Variants in VRTN observed in about 807,000 individuals in gnomAD.
VRTN encodes vertnin.
VRTN carries 5 observed loss-of-function variants against 18.2 expected under a neutral mutation model. The observed-to-expected ratio is 0.27, with a 90% CI of 0.14 to 0.58. The LOEUF is 0.58. Ranked by LOEUF, VRTN falls within the 20% of genes least tolerant of loss-of-function variation. VRTN has a pLI of 0.91. For missense variants in VRTN, 741 were observed against 939.4 expected (o/e 0.79, Z 2.76); for synonymous variants, 381 against 393.7 (o/e 0.97, Z 0.38).
intron 1 of VRTN, among the ~76,000 whole-genome samples, chr14:74,350,597 G>C (rs1339186590): frequency 6.6e-6 from 1 of 152,194 alleles, no homozygotes; most frequent in Admixed American, 6.5e-5. Flanking sequence ...TGGATAATGA[G>C]AATTTTGGAT....
chr14:74,343,917 T>A (rs1008876267), upstream of VRTN, among the ~76,000 whole-genome samples: 1 of 151,748 alleles, frequency 6.6e-6, no homozygotes, highest in Non-Finnish European at 1.5e-5. Context: ...TGTCTCAGCC[T>A]CCCGAGTAGC....
intron 1 of VRTN, among the ~76,000 whole-genome samples, chr14:74,306,956 T>G (rs1324491721): frequency 6.6e-6 from 1 of 151,996 alleles, no homozygotes; most frequent in Non-Finnish European, 1.5e-5. Flanking sequence ...TTCTAAATAT[T>G]GTCCTCCAAG....
chr14:74,319,965 C>A (rs1049097441), intron 1 of VRTN, among the ~76,000 whole-genome samples: 1 of 152,154 alleles, frequency 6.6e-6, no homozygotes, highest in Non-Finnish European at 1.5e-5. Context: ...GAAGCAAGCC[C>A]TGGCTGGGCA....
chr14:74,357,023 G>T lies in VRTN; in HGVS notation c.240G>T (p.Lys80Asn), dbSNP rs770161056. ...GGAACATGCTGCCGCTGGTGTGCAA[G>T]GGGGAGGGCAGCCTGCTGTTCGAGG... is the stretch of plus-strand genomic sequence containing the variant. ...APRNMLPLVC[K>N]GEGSLLFEAA... Residue 80 changes from lysine (K) to asparagine (N), a missense_variant, in exon 2 of 2, where the codon AAG (lysine) becomes AAT (asparagine). Physicochemically the swap from Lys to Asn is moderately conservative, Grantham distance 94. This residue lies in a region of VRTN where 186 missense variants were observed against 288.3 expected (regional missense o/e 0.65). Transcript: ENST00000256362. The surrounding 1 kb of genome is among the most constrained non-coding windows in gnomAD (Gnocchi z 7.8). 6.8e-6 allele frequency: 11 copies of T among 1,609,524 alleles called. No individual in the cohort carries two copies. The Admixed American group carries it at 1.8e-4, about 27-fold the overall frequency.
chr14:74,314,637 C>G (rs1012139763), intron 1 of VRTN, among the ~76,000 whole-genome samples: 7 of 151,986 alleles, frequency 4.6e-5, no homozygotes, highest in African/African-American at 1.7e-4. Context: ...CTCCTGACCT[C>G]CATGATCCGC....
chr14:74,319,002 A>G (rs1337001189), intron 1 of VRTN, among the ~76,000 whole-genome samples: 2 of 138,836 alleles, frequency 1.4e-5, no homozygotes, highest in Non-Finnish European at 3.1e-5. Context: ...GGCATGAGCC[A>G]CTGTGCCTGG....
rs780343241 is a variant in VRTN, at chr14:74,358,299, C to A, written c.1516C>A (p.Arg506Ser). 1 of 1,611,196 alleles carries A rather than the reference C, an allele frequency of 6.2e-7. No individual in the cohort carries two copies. Among genetic ancestry groups the A allele is most frequent in the Non-Finnish European group, 8.5e-7 (1 of 1,178,238 alleles). The change falls in exon 2 of 2, where the codon CGT becomes AGT. Residue 506 changes from arginine (R) to serine (S), a missense_variant. Coordinates refer to ENST00000256362, the MANE Select transcript of VRTN (RefSeq NM_018228.3). The surrounding 1 kb of genome is among the most constrained non-coding windows in gnomAD (Gnocchi z 5.4). ...CCTGCCACTAAGGATGCCCCTGTCC[C>A]GTTGGCAGAGGCGTCTGCGCAGGGC... is the stretch of plus-strand genomic sequence containing the variant. ...ELLPLRMPLS[R>S]WQRRLRRAAR...
Position 74,320,580 on chromosome 14 carries a change from T to C in VRTN, c.-163-17143T>C, listed in dbSNP as rs1355521869. Among the ~76,000 whole-genome samples, 324 of 66,234 alleles carry C rather than the reference T, an allele frequency of 4.9e-3. 11 individuals carry two copies. The highest frequency in any genetic ancestry group is 0.021 in the African/African-American group (306 of 14,346). The allele number at this position is 66,234 out of a possible 152,430, so 43.5% of individuals were successfully genotyped here. A position where few individuals can be genotyped will look rare whatever the true frequency, so the allele number is the denominator to read the frequency against. On this transcript the variant is annotated intron_variant, in intron 1 of 2. Coordinates refer to the VRTN transcript ENST00000557177. ...CCCGGCCTCTTTTTTTTTTTTTTTT[T>C]TTTTTTTTTTTTTTTTTTTTTTTTG...
chr14:74,338,872 G>A (rs919849145), intron 2 of VRTN, among the ~76,000 whole-genome samples: 1 of 152,150 alleles, frequency 6.6e-6, no homozygotes, highest in Non-Finnish European at 1.5e-5. Flanking sequence ...CTACAGGTGT[G>A]AGCCACCATG....
At chr14:74,337,974 C>T (rs2085576663) in intron 2 of VRTN, 1 of 152,042 alleles carries the variant, frequency 6.6e-6, no homozygotes. Flanking sequence ...TTATTAAGCA[C>T]ACCCAAAATG....
At position 74,359,412 on chromosome 14, in the gene VRTN, G is replaced by C. The variant is rs543038077; in HGVS notation, c.*520G>C. On this transcript the variant is annotated 3_prime_UTR_variant, in exon 2 of 2. Coordinates refer to ENST00000256362, the MANE Select transcript of VRTN (RefSeq NM_018228.3). ...GGCTCGAATATGGGGGCCAGGTGTGGTGGCTTATGCCTGTAATCCTAGCGC... is the reference window on the plus strand; with the variant it reads ...GGCTCGAATATGGGGGCCAGGTGTGCTGGCTTATGCCTGTAATCCTAGCGC... The C allele has an allele frequency of 5.9e-6, 1 of 168,522 alleles. No individual in the cohort carries two copies. Among genetic ancestry groups the C allele is most frequent in the Non-Finnish European group, 1.4e-5 (1 of 69,242 alleles). 10.4% of individuals were successfully genotyped at this position (168,522 alleles called of 1,614,324 possible).
At chr14:74,356,689 T>C in intron 1 of VRTN, 94 bp from the exon 2 acceptor site, 1 of 1,451,776 alleles carries the variant, frequency 6.9e-7, no homozygotes. Flanking sequence ...CATTACCTTT[T>C]GGGAGAAAGT....
At chr14:74,320,898 TAAAA>T (rs766559301) in intron 1 of VRTN, among the ~76,000 whole-genome samples, 3 of 83,590 alleles carry the variant, frequency 3.6e-5, no homozygotes, top group African/African-American at 5.0e-5. Context: ...CCCATCTCTT[TAAAA>T]AAAAAAAAAA....
chr14:74,307,472 G>T (rs72730118), intron 1 of VRTN, among the ~76,000 whole-genome samples: 1,955 of 151,920 alleles, frequency 0.013, 25 homozygotes, highest in Non-Finnish European at 0.019. Context: ...TGCTCTTGAA[G>T]GCCAAAAATG....
upstream of VRTN, among the ~76,000 whole-genome samples, chr14:74,347,630 G>A (rs887429420): frequency 2.0e-5 from 3 of 152,214 alleles, no homozygotes; most frequent in South Asian, 2.1e-4. Context: ...AAGCCCCTTG[G>A]GGGGAAGCTG....
intron 1 of VRTN, among the ~76,000 whole-genome samples, chr14:74,336,622 A>G (rs183315750): frequency 3.3e-5 from 5 of 152,290 alleles, no homozygotes; most frequent in Admixed American, 6.5e-5. Flanking sequence ...TAGTTCCCAT[A>G]GATCTATTGA....
intron 1 of VRTN, among the ~76,000 whole-genome samples, chr14:74,310,533 G>GTT (rs71449187): frequency 0.013 from 1,611 of 124,016 alleles, 41 homozygotes; most frequent in South Asian, 0.04. Flanking sequence ...TGCTGCCTCT[G>GTT]TTTTTTTTTT....
At chr14:74,346,979 G>A (rs550776314), upstream of VRTN, among the ~76,000 whole-genome samples, 19 of 152,250 alleles carry the variant, frequency 1.2e-4, 1 homozygote, top group South Asian at 4.1e-4. Context: ...AAGGTATTTC[G>A]TAATTCCATC....
chr14:74,345,386 C>G (rs957586802), upstream of VRTN, among the ~76,000 whole-genome samples: 2 of 120,840 alleles, frequency 1.7e-5, no homozygotes, highest in African/African-American at 3.3e-5. Context: ...GAGTTTCACT[C>G]TATCGCCCAG....
Sources: allele counts gnomAD v4.1 joint callset (sites outside exome capture counted in the v4.1 genomes callset), GRCh38; gene constraint gnomAD v4.1.1; regional missense constraint gnomAD v4.1.1; non-coding constraint Gnocchi (gnomAD v3.1); transcripts MANE v1.5; gene names NCBI Gene and HGNC (gene_info 2026-07-23, HGNC 2026-07-21).